Variants in TPR observed in about 807,000 individuals in gnomAD.
TPR encodes nucleoprotein TPR.
In TPR, 51 loss-of-function variants were observed where a neutral mutation model predicts 316.1. The observed-to-expected ratio is 0.16, with a 90% CI of 0.13 to 0.20. The LOEUF (loss-of-function observed/expected upper bound fraction) is 0.20. Ranked by LOEUF, TPR falls within the 10% of genes least tolerant of loss-of-function variation. The pLI is 1.00. For missense variants in TPR, 2,272 were observed against 2,754.8 expected (o/e 0.82, Z 3.92); for synonymous variants, 981 against 914.7 (o/e 1.07, Z -1.31).
chr1:186,347,498 A>T lies in TPR; in HGVS notation c.2777-40T>A. On this transcript the variant is annotated intron_variant, in intron 21 of 50. Transcript: ENST00000367478. ...AGCTCTGTTAAAATTAACATTTTCA[A>T]TAGTATTAGAGATGACTGTTATAAA... 2.5e-6 allele frequency: 4 copies of T among 1,600,144 alleles called. No individual in the cohort carries two copies. In the South Asian group the frequency reaches 4.5e-5, roughly 18 times the overall value.
rs778069259 is a variant in TPR, at chr1:186,312,152, T to A, written c.*1819A>T. On this transcript the variant is annotated 3_prime_UTR_variant, in exon 51 of 51. Coordinates refer to ENST00000367478, the MANE Select transcript of TPR (RefSeq NM_003292.3). ...TATTAAAATTAATTTTCATTTTCCA[T>A]GTGATATTCTAATACATAACAGGTG... The A allele has an allele frequency of 6.9e-6, 11 of 1,603,746 alleles. No homozygotes were observed. In the Admixed American group the frequency reaches 1.8e-4, roughly 27 times the overall value.
At chr1:186,336,404 T>C in intron 33 of TPR, 92 bp downstream of exon 33, 2 of 1,214,670 alleles carry the variant, frequency 1.6e-6, no homozygotes, top group Admixed American at 1.8e-5. Context: ...CCTTCATAAG[T>C]AGATACCTTT....
chr1:186,312,449 G>A lies in TPR; in HGVS notation c.*1522C>T. 7.5e-7 allele frequency: 1 copy of A among 1,331,858 alleles called. No homozygotes were observed. Among genetic ancestry groups the A allele is most frequent in the Non-Finnish European group, 1.0e-6 (1 of 965,132 alleles). The allele number at this position is 1,331,858 out of a possible 1,614,324, so 82.5% of individuals were successfully genotyped here. ...CAGTTTCTTATACAGTAAGGCTTAT[G>A]AAATATGGATACTGATCAAACAGCC... On this transcript the variant is annotated 3_prime_UTR_variant, in exon 51 of 51. Coordinates refer to ENST00000367478, the MANE Select transcript of TPR (RefSeq NM_003292.3).
chr1:186,363,872 A>G (rs1469437058), intron 4 of TPR, among the ~76,000 whole-genome samples: 2 of 152,174 alleles, frequency 1.3e-5, no homozygotes, highest in Non-Finnish European at 2.9e-5. Context: ...CAATCAAGAG[A>G]AATATAAGCA....
rs1364459220 is a variant in TPR at position 186,350,280 on chromosome 1, G to A, written c.2719C>T (p.His907Tyr). 1.7e-5 allele frequency: 28 copies of A among 1,613,584 alleles called. No individual in the cohort carries two copies. The highest frequency in any genetic ancestry group is 2.4e-5 in the Non-Finnish European group (28 of 1,179,874). ...AQKEIATLKQ[H>Y]LSNMEVQVAS... ...ACTTGGACTTCCATATTACTGAGGT[G>A]CTGTTTCAATGTGGCAATTTCTTTT... The change falls in exon 21 of 51, where the codon CAC becomes TAC. Residue 907 changes from histidine (H) to tyrosine (Y), a missense_variant. Physicochemically the swap from His to Tyr is moderately conservative, Grantham distance 83. Transcript: ENST00000367478.
intron 21 of TPR, among the ~76,000 whole-genome samples, chr1:186,349,777 C>A (rs1037142636): frequency 3.9e-5 from 6 of 152,012 alleles, no homozygotes; most frequent in Non-Finnish European, 8.8e-5. Context: ...TGAAACAAAT[C>A]TTTTACCTGA....
At chr1:186,319,859 A>C (rs530733776) in intron 46 of TPR, among the ~76,000 whole-genome samples, 1 of 152,278 alleles carries the variant, frequency 6.6e-6, no homozygotes, top group Admixed American at 6.5e-5. Flanking sequence ...ACATATTTTG[A>C]TCTTTTATTT....
Position 186,327,608 on chromosome 1 carries a change from T to C in TPR, c.5741A>G (p.Gln1914Arg). 1 of 1,613,244 alleles carries C rather than the reference T, an allele frequency of 6.2e-7. No homozygotes were observed. The highest frequency in any genetic ancestry group is 8.5e-7 in the Non-Finnish European group (1 of 1,179,804). Residue 1914 changes from glutamine (Q) to arginine (R), a missense_variant, in exon 40 of 51, where the codon CAG becomes CGG. This residue lies in a region of TPR where 435 missense variants were observed against 461.1 expected (regional missense o/e 0.94). Transcript: ENST00000367478. ...TGGCCCAAGATCTATTTGTAGAGAC[T>C]GAGAGGTTTCTTCACTGTCTTCCAT... ...TPMEDSEETS[Q>R]SLQIDLGPLQ...
Position 186,313,473 on chromosome 1 carries a change from G to C in TPR, c.*498C>G, listed in dbSNP as rs1364550313. ...GCTGAACCTGATTTTACAAAAAGAT[G>C]GTGAAATGTCAATCTTTTGAAACAT... On this transcript the variant is annotated 3_prime_UTR_variant, in exon 51 of 51. Transcript: ENST00000367478. The C allele has an allele frequency of 1.9e-6, 1 of 516,550 alleles. No homozygotes were observed. Among genetic ancestry groups the C allele is most frequent in the Non-Finnish European group, 3.4e-6 (1 of 291,686 alleles). The allele number at this position is 516,550 out of a possible 1,614,324, so 32.0% of individuals were successfully genotyped here. A position where few individuals can be genotyped will look rare whatever the true frequency, so the allele number is the denominator to read the frequency against.
intron 18 of TPR, among the ~76,000 whole-genome samples, chr1:186,352,953 CTAAG>C (rs1165932285): frequency 7.9e-5 from 12 of 152,130 alleles, no homozygotes; most frequent in Admixed American, 2.6e-4. Context: ...CATCACAAAA[CTAAG>C]TATTTAGTTA....
Position 186,347,287 on chromosome 1 carries a change from C to T in TPR, c.2943+5G>A, listed in dbSNP as rs1658711417. 5.6e-6 allele frequency: 9 copies of T among 1,613,042 alleles called. No individual in the cohort carries two copies. Among genetic ancestry groups the T allele is most frequent in the Non-Finnish European group, 7.6e-6 (9 of 1,179,482 alleles). On this transcript the variant is annotated splice_donor_5th_base_variant and intron_variant, in intron 22 of 50. Transcript: ENST00000367478. ...ATTGAATTCTGAATTCAGAATTATA[C>T]ATACCTGTTTTTCCTTGTTCAGGGA...
intron 13 of TPR, among the ~76,000 whole-genome samples, chr1:186,358,095 T>C (rs905603062): frequency 1.3e-5 from 2 of 152,228 alleles, no homozygotes; most frequent in African/African-American, 4.8e-5. Context: ...CATTAATTTA[T>C]TGATTTGCTT....
rs1233320616 is a variant in TPR, at chr1:186,331,354, T to C, written c.5688+144A>G. 9 of 550,124 alleles carry C rather than the reference T, an allele frequency of 1.6e-5. 1 individual carries two copies. Among genetic ancestry groups the C allele is most frequent in the Non-Finnish European group, 9.5e-6 (3 of 317,086 alleles). 34.1% of individuals were successfully genotyped at this position (550,124 alleles called of 1,614,324 possible). A position where few individuals can be genotyped will look rare whatever the true frequency, so the allele number is the denominator to read the frequency against. ...CATAGGAGTAAAAGAAAGCAGACTC[T>C]GCAATGATTAATTCTAGTAGTATTT... is the stretch of plus-strand genomic sequence containing the variant. On this transcript the variant is annotated intron_variant, in intron 39 of 50. Transcript: ENST00000367478.
At position 186,370,887 on chromosome 1, in the gene TPR, C is replaced by A. The variant is rs147077275; in HGVS notation, c.330+83G>T. ...GACATCAGTTACATCTTCCCATTGA[C>A]TAATAACTGATAAACAATCAGAATA... On this transcript the variant is annotated intron_variant, in intron 3 of 50. Coordinates refer to ENST00000367478, the MANE Select transcript of TPR (RefSeq NM_003292.3). 3.5e-4 allele frequency: 422 copies of A among 1,206,032 alleles called. 4 individuals are homozygous for A. In the East Asian group the frequency reaches 9.7e-3, roughly 28 times the overall value. The allele number at this position is 1,206,032 out of a possible 1,614,324, so 74.7% of individuals were successfully genotyped here. A position where few individuals can be genotyped will look rare whatever the true frequency, so the allele number is the denominator to read the frequency against.
chr1:186,363,475 T>C (rs765211784), intron 4 of TPR, 30 bp from the exon 5 acceptor site: 2 of 1,413,992 alleles, frequency 1.4e-6, no homozygotes, highest in Non-Finnish European at 2.0e-6. Context: ...TAAAAAATAA[T>C]AACTAATTAA....
At chr1:186,359,575 G>T (rs941649559) in intron 12 of TPR, among the ~76,000 whole-genome samples, 1 of 151,814 alleles carries the variant, frequency 6.6e-6, no homozygotes, top group African/African-American at 2.4e-5. Flanking sequence ...TTAAAAAAAG[G>T]TTAAAATGCT....
At chr1:186,363,274 G>C (rs938713565) in intron 5 of TPR, 68 bp downstream of exon 5, 1 of 1,329,758 alleles carries the variant, frequency 7.5e-7, no homozygotes, top group Non-Finnish European at 1.1e-6. Flanking sequence ...GCCTATATTT[G>C]AAATTTAATT....
chr1:186,355,195 G>A (rs1658987313), intron 17 of TPR, among the ~76,000 whole-genome samples: 1 of 152,134 alleles, frequency 6.6e-6, no homozygotes. Context: ...GTGAGCTGCT[G>A]CGCCTGGCTT....
intron 13 of TPR, among the ~76,000 whole-genome samples, chr1:186,357,995 T>C (rs1659078908): frequency 6.6e-6 from 1 of 152,162 alleles, no homozygotes; most frequent in South Asian, 2.1e-4. Context: ...ACAAAAAGCA[T>C]ATATATAATG....
Sources: allele counts gnomAD v4.1 joint callset (sites outside exome capture counted in the v4.1 genomes callset), GRCh38; gene constraint gnomAD v4.1.1; regional missense constraint gnomAD v4.1.1; transcripts MANE v1.5; gene names NCBI Gene and HGNC (gene_info 2026-07-23, HGNC 2026-07-21).